Variants in SLAIN2 observed in about 807,000 individuals in gnomAD.
SLAIN2 encodes the protein SLAIN family member 2.
Under a neutral mutation model 56.6 loss-of-function variants are expected in SLAIN2, and 31 were observed. That is an observed-to-expected ratio of 0.55 (90% CI 0.41 to 0.74). SLAIN2 has a LOEUF of 0.74. Among genes scored for constraint, SLAIN2 ranks in the 30% least tolerant of loss-of-function variants. The pLI is 0.00. For synonymous variants in SLAIN2, 317 were observed against 284.9 expected (o/e 1.11, Z -1.13); for missense variants, 777 against 754.2 (o/e 1.03, Z -0.35).
At chr4:48,388,585 A>C (rs1375000549) in intron 6 of SLAIN2, among the ~76,000 whole-genome samples, 1 of 152,210 alleles carries the variant, frequency 6.6e-6, no homozygotes, top group African/African-American at 2.4e-5. Flanking sequence ...GATCCATATA[A>C]ATTAAATGAA....
intron 1 of SLAIN2, among the ~76,000 whole-genome samples, chr4:48,355,221 T>G (rs932710364): frequency 6.6e-6 from 1 of 152,232 alleles, no homozygotes; most frequent in African/African-American, 2.4e-5. Flanking sequence ...AATGCCACGC[T>G]CTCTTATGAT....
chr4:48,413,423 A>G (rs1239391348), intron 6 of SLAIN2, among the ~76,000 whole-genome samples: 2 of 152,174 alleles, frequency 1.3e-5, no homozygotes, highest in Admixed American at 1.3e-4. Flanking sequence ...GTTAGAGTAC[A>G]TGGTCAGTAA....
intron 3 of SLAIN2, 112 bp from the exon 4 acceptor site, chr4:48,379,578 C>A: frequency 1.1e-6 from 1 of 949,094 alleles, no homozygotes; most frequent in Non-Finnish European, 1.4e-6. Flanking sequence ...GCAGAAAAGG[C>A]AGAACAAGAA....
At position 48,366,220 on chromosome 4, in the gene SLAIN2, T is replaced by C. The variant is rs1410175426; in HGVS notation, c.390-3629T>C. The stretch of plus-strand genomic sequence containing the variant: ...TTTAAAAATTCAGTAAGACTTGTTT[T>C]ATGTCCTAGCCCATGGTCTGTCCCA... On this transcript the variant is annotated intron_variant, in intron 1 of 7. Transcript: ENST00000264313. Among the ~76,000 whole-genome samples, 9 of 152,352 alleles carry C rather than the reference T, an allele frequency of 5.9e-5. No homozygotes were observed. In the South Asian group the frequency reaches 1.9e-3, roughly 32 times the overall value.
chr4:48,346,305 A>G (rs1022309969), intron 1 of SLAIN2, among the ~76,000 whole-genome samples: 8 of 152,130 alleles, frequency 5.3e-5, no homozygotes, highest in Non-Finnish European at 1.0e-4. Flanking sequence ...CGTGTTCACC[A>G]TGATCTTAGT....
At chr4:48,404,492 A>G (rs552687830) in intron 6 of SLAIN2, among the ~76,000 whole-genome samples, 208 of 152,294 alleles carry the variant, frequency 1.4e-3, no homozygotes, top group African/African-American at 4.9e-3. Flanking sequence ...CTAGCTTCTG[A>G]CATACACAGA....
At chr4:48,368,960 C>T (rs888010048) in intron 1 of SLAIN2, among the ~76,000 whole-genome samples, 1 of 152,194 alleles carries the variant, frequency 6.6e-6, no homozygotes, top group African/African-American at 2.4e-5. Context: ...AGTGAAACAA[C>T]ACTTCATGTT....
At chr4:48,404,105 G>T (rs1266178235) in intron 6 of SLAIN2, among the ~76,000 whole-genome samples, 1 of 152,092 alleles carries the variant, frequency 6.6e-6, no homozygotes, top group Non-Finnish European at 1.5e-5. Context: ...CGCCTAGTCA[G>T]TCCCAGTGCG....
chr4:48,371,899 C>A (rs1715672839), intron 2 of SLAIN2, among the ~76,000 whole-genome samples: 2 of 151,934 alleles, frequency 1.3e-5, no homozygotes, highest in South Asian at 2.1e-4. Flanking sequence ...CATGTTTGCA[C>A]CACCGCACTC....
chr4:48,382,996 C>T, intron 5 of SLAIN2, 69 bp downstream of exon 5: 1 of 1,450,214 alleles, frequency 6.9e-7, no homozygotes. Context: ...AAGACCCCGT[C>T]TCTAGGAAAA....
chr4:48,383,512 A>G (rs1434564048), intron 5 of SLAIN2, 135 bp from the exon 6 acceptor site: 2 of 829,910 alleles, frequency 2.4e-6, no homozygotes, highest in African/African-American at 3.4e-5. Flanking sequence ...TTTTAATAAG[A>G]CAAGTCCTTT....
At chr4:48,404,318 G>T (rs1262199824) in intron 6 of SLAIN2, among the ~76,000 whole-genome samples, 1 of 152,106 alleles carries the variant, frequency 6.6e-6, no homozygotes, top group Non-Finnish European at 1.5e-5. Flanking sequence ...AAAGAATTTT[G>T]TGATTACCTA....
At chr4:48,344,459 A>C (rs1268800369) in intron 1 of SLAIN2, among the ~76,000 whole-genome samples, 3 of 152,158 alleles carry the variant, frequency 2.0e-5, no homozygotes, top group East Asian at 1.9e-4. Context: ...AGATGTCAAT[A>C]AGTGTTATGT....
At chr4:48,362,878 C>A (rs1041087604) in intron 1 of SLAIN2, among the ~76,000 whole-genome samples, 1 of 98,328 alleles carries the variant, frequency 1.0e-5, no homozygotes, top group African/African-American at 4.1e-5. Flanking sequence ...GAACAAAGGT[C>A]TCTGGTTTTC....
chr4:48,417,958 T>C lies in SLAIN2; in HGVS notation c.1361-2167T>C, dbSNP rs59374407. Among the ~76,000 whole-genome samples the C allele has an allele frequency of 9.7e-3, 1,472 of 152,334 alleles. 21 individuals are homozygous for C. The highest frequency in any genetic ancestry group is 0.034 in the African/African-American group (1,399 of 41,582). Reference sequence around the variant, plus strand: ...GTGTTTGTATTTTTATCCAGTTCTGTGACCTTACTGAATTCACTTATTATT... The same window carrying C: ...GTGTTTGTATTTTTATCCAGTTCTGCGACCTTACTGAATTCACTTATTATT... On this transcript the variant is annotated intron_variant, in intron 6 of 7. Coordinates refer to ENST00000264313, the MANE Select transcript of SLAIN2 (RefSeq NM_020846.2).
intron 6 of SLAIN2, among the ~76,000 whole-genome samples, chr4:48,396,321 A>G (rs925427247): frequency 6.6e-6 from 1 of 152,114 alleles, no homozygotes; most frequent in Non-Finnish European, 1.5e-5. Flanking sequence ...TTAATCCCTT[A>G]CTTATTTAAA....
intron 1 of SLAIN2, among the ~76,000 whole-genome samples, chr4:48,364,764 C>G (rs1333027308): frequency 7.1e-6 from 1 of 140,972 alleles, no homozygotes; most frequent in Non-Finnish European, 1.6e-5. Context: ...ACTCCGCAGG[C>G]TGAGGCAGGA....
intron 6 of SLAIN2, among the ~76,000 whole-genome samples, chr4:48,398,151 A>G (rs190953503): frequency 4.6e-5 from 7 of 152,162 alleles, no homozygotes; most frequent in Non-Finnish European, 8.8e-5. Context: ...CTTTTTCTCC[A>G]CAGCCTCGCC....
chr4:48,402,103 C>T (rs1716570360), intron 6 of SLAIN2, among the ~76,000 whole-genome samples: 1 of 152,034 alleles, frequency 6.6e-6, no homozygotes, highest in Non-Finnish European at 1.5e-5. Context: ...ACCCCCCAAT[C>T]TCTTCTGGCT....
Sources: gnomAD v4.1 joint callset for allele counts (sites outside exome capture counted in the v4.1 genomes callset) on GRCh38, gnomAD v4.1.1 for gene constraint, MANE v1.5 for transcripts, NCBI Gene and HGNC (gene_info 2026-07-23, HGNC 2026-07-21) for gene names.